The following GAP43 variants were observed in gnomAD, a reference collection of about 807,000 sequenced individuals.
GAP43 encodes the protein growth associated protein 43.
In GAP43, 6 loss-of-function variants were observed where a neutral mutation model predicts 18.6. The ratio of observed to expected loss-of-function variants is 0.32; its 90% CI spans 0.18 to 0.64. The LOEUF is 0.64. Among genes scored for constraint, GAP43 ranks in the 30% least tolerant of loss-of-function variants. The pLI is 0.78. For synonymous variants in GAP43, 115 were observed against 111.4 expected (o/e 1.03, Z -0.20); for missense variants, 292 against 295.5 (o/e 0.99, Z 0.09).
intron 1 of GAP43, among the ~76,000 whole-genome samples, chr3:115,667,724 G>T (rs12488667): frequency 0.19 from 28,896 of 152,058 alleles, 2,915 homozygotes; most frequent in Admixed American, 0.28. Context: ...ACAGGGGTTT[G>T]TCTGCTGGTA....
chr3:115,696,287 C>T (rs1458568251), intron 2 of GAP43, among the ~76,000 whole-genome samples: 1 of 152,132 alleles, frequency 6.6e-6, no homozygotes, highest in East Asian at 1.9e-4. Context: ...TCCATCATTT[C>T]CTGATACTTA....
At chr3:115,642,404 G>T (rs1044750548) in intron 1 of GAP43, among the ~76,000 whole-genome samples, 3 of 148,932 alleles carry the variant, frequency 2.0e-5, no homozygotes, top group Non-Finnish European at 4.4e-5. Flanking sequence ...TGGAAATACA[G>T]AATTTTTTTT....
rs572770316 is a variant in GAP43, at chr3:115,717,748, AAATT to A, written c.629-3042_629-3039del. Among the ~76,000 whole-genome samples, 26 of 152,234 alleles carry A rather than the reference AAATT, an allele frequency of 1.7e-4. No individual in the cohort carries two copies. The South Asian group carries it at 5.4e-3, about 32-fold the overall frequency. Reference sequence around the variant, plus strand: ...TCCAGTAACAACTTATTGAACAAATAAATTAATAAATATTTACATTTAAAATACT... The same window carrying A: ...TCCAGTAACAACTTATTGAACAAATAAATAAATATTTACATTTAAAATACT... On this transcript the variant is annotated intron_variant, in intron 2 of 2. Coordinates refer to ENST00000305124, the MANE Select transcript of GAP43 (RefSeq NM_002045.4).
At chr3:115,668,824 A>G (rs183766028) in intron 1 of GAP43, among the ~76,000 whole-genome samples, 60 of 152,244 alleles carry the variant, frequency 3.9e-4, no homozygotes, top group African/African-American at 1.4e-3. Flanking sequence ...AGATGGCTTG[A>G]GTCCAGGAGT....
chr3:115,629,479 C>G (rs530603441), intron 1 of GAP43, among the ~76,000 whole-genome samples: 8 of 151,406 alleles, frequency 5.3e-5, no homozygotes, highest in African/African-American at 1.7e-4. Flanking sequence ...GTACTCCACT[C>G]TCTGCCCATG....
chr3:115,705,868 A>G (rs1709356904), intron 2 of GAP43, among the ~76,000 whole-genome samples: 1 of 152,172 alleles, frequency 6.6e-6, no homozygotes, highest in South Asian at 2.1e-4. Flanking sequence ...CAGCAGGAGG[A>G]ATTGTAGAAA....
chr3:115,656,987 C>T (rs1211554742), intron 1 of GAP43, among the ~76,000 whole-genome samples: 1 of 152,122 alleles, frequency 6.6e-6, no homozygotes, highest in Non-Finnish European at 1.5e-5. Flanking sequence ...TATAATTTCC[C>T]TTTTCTAGTC....
intron 1 of GAP43, among the ~76,000 whole-genome samples, chr3:115,662,207 A>C (rs566492663): frequency 1.3e-5 from 2 of 152,266 alleles, no homozygotes; most frequent in East Asian, 3.9e-4. Context: ...TGGTAAAAGG[A>C]GAATCTTCGT....
intron 2 of GAP43, among the ~76,000 whole-genome samples, chr3:115,679,923 A>G (rs190791831): frequency 1.3e-5 from 2 of 152,286 alleles, no homozygotes; most frequent in East Asian, 1.9e-4. Flanking sequence ...GTCTCAGTAC[A>G]TCTTGCAAAT....
chr3:115,685,014 GTGT>G (rs1709015691), intron 2 of GAP43, among the ~76,000 whole-genome samples: 2 of 152,150 alleles, frequency 1.3e-5, no homozygotes, highest in Non-Finnish European at 2.9e-5. Flanking sequence ...CTTCATGTCT[GTGT>G]TGTTTATTGT....
intron 1 of GAP43, among the ~76,000 whole-genome samples, chr3:115,661,995 G>T (rs903512110): frequency 1.3e-5 from 2 of 151,830 alleles, no homozygotes; most frequent in African/African-American, 4.8e-5. Context: ...TGTTTTTGGT[G>T]GGGGTCGGGG....
At chr3:115,719,502 G>T (rs1197151909) in intron 2 of GAP43, among the ~76,000 whole-genome samples, 1 of 152,086 alleles carries the variant, frequency 6.6e-6, no homozygotes, top group African/African-American at 2.4e-5. Context: ...TTGCTGGAGG[G>T]TGCCTACATG....
intron 1 of GAP43, among the ~76,000 whole-genome samples, chr3:115,631,149 GCACGGGAAT>G (rs1290799676): frequency 6.6e-6 from 1 of 152,150 alleles, no homozygotes; most frequent in East Asian, 1.9e-4. Context: ...TTCAGGTTTA[GCACGGGAAT>G]GTGATCTTCC....
At chr3:115,630,393 A>G (rs1708246368) in intron 1 of GAP43, among the ~76,000 whole-genome samples, 1 of 152,172 alleles carries the variant, frequency 6.6e-6, no homozygotes, top group Admixed American at 6.5e-5. Flanking sequence ...TAGTCCCTCA[A>G]ATGACTGTTA....
At chr3:115,627,527 A>G (rs1708205366) in intron 1 of GAP43, among the ~76,000 whole-genome samples, 1 of 151,670 alleles carries the variant, frequency 6.6e-6, no homozygotes, top group South Asian at 2.1e-4. Context: ...GAATTAATCC[A>G]CAGACTTCAG....
At chr3:115,634,973 A>T (rs915655763) in intron 1 of GAP43, among the ~76,000 whole-genome samples, 1 of 152,138 alleles carries the variant, frequency 6.6e-6, no homozygotes, top group Non-Finnish European at 1.5e-5. Context: ...ATCAATTTTA[A>T]AAAGTATTAT....
At chr3:115,664,280 T>C (rs936346818) in intron 1 of GAP43, among the ~76,000 whole-genome samples, 1 of 149,936 alleles carries the variant, frequency 6.7e-6, no homozygotes, top group Non-Finnish European at 1.5e-5. Context: ...GTGGGAGGCA[T>C]TTATTATTTT....
At chr3:115,668,551 A>G (rs1391689624) in intron 1 of GAP43, among the ~76,000 whole-genome samples, 3 of 152,200 alleles carry the variant, frequency 2.0e-5, no homozygotes, top group South Asian at 4.1e-4. Flanking sequence ...CAGCCTCCCA[A>G]GTAGCTGGGA....
rs897287841 is a variant in GAP43, at chr3:115,703,096, A to G, written c.629-17698A>G. Among the ~76,000 whole-genome samples the G allele has an allele frequency of 6.6e-5, 10 of 152,238 alleles. No homozygotes were observed. The East Asian group carries it at 1.9e-3, about 29-fold the overall frequency. Reference sequence around the variant, plus strand: ...CAGTCAAAATAAAGAGTACTTAAGGAAAGATAAAGAACAATGGTAAATGAG... The same window carrying G: ...CAGTCAAAATAAAGAGTACTTAAGGGAAGATAAAGAACAATGGTAAATGAG... On this transcript the variant is annotated intron_variant, in intron 2 of 2. Transcript: ENST00000305124.
Sources: allele counts gnomAD v4.1 joint callset (sites outside exome capture counted in the v4.1 genomes callset), GRCh38; gene constraint gnomAD v4.1.1; transcripts MANE v1.5; gene names NCBI Gene and HGNC (gene_info 2026-07-23, HGNC 2026-07-21).